The following SPRY3 variants were observed in gnomAD, a reference collection of about 807,000 sequenced individuals.
SPRY3 encodes sprouty RTK signaling antagonist 3, also known as protein sprouty homolog 3.
Under a neutral mutation model 20.2 loss-of-function variants are expected in SPRY3, and 15 were observed. The ratio of observed to expected loss-of-function variants is 0.74; its 90% CI spans 0.50 to 1.14. SPRY3 has a LOEUF of 1.14. Among genes scored for constraint, SPRY3 ranks in the 50% most tolerant of loss-of-function variants. The probability of loss-of-function intolerance (pLI) is 0.00; values close to 1 mark genes in which losing one functional copy is unlikely to be tolerated. For synonymous variants in SPRY3, 143 were observed against 136.5 expected, an observed-to-expected ratio of 1.05 and a Z score of -0.33; for missense variants, 364 against 363.9, an observed-to-expected ratio of 1.00 and a Z score of 0.00.
At chrX:155,624,553 T>TATCTATCTATC (rs2067882186) in intron 1 of SPRY3, among the ~76,000 whole-genome samples, 1 of 98,787 alleles carries the variant, frequency 1.0e-5, no homozygotes, top group Non-Finnish European at 2.1e-5. Flanking sequence ...TCTATCTATC[T>TATCTATCTATC]ATCTATCATC....
At chrX:155,761,351 A>T (rs1338573290) in intron 2 of SPRY3, among the ~76,000 whole-genome samples, 1 of 151,812 alleles carries the variant, frequency 6.6e-6, no homozygotes, top group Admixed American at 6.6e-5. Context: ...TTTTAATTTC[A>T]ATTTCATTTT....
At chrX:155,673,683 A>G (rs1400726604) in intron 2 of SPRY3, among the ~76,000 whole-genome samples, 1 of 111,901 alleles carries the variant, frequency 8.9e-6, no homozygotes, top group Non-Finnish European at 1.9e-5. Context: ...GAATTTTTCT[A>G]TTTAGTCTTT....
At chrX:155,743,253 C>A (rs1270083751) in intron 2 of SPRY3, among the ~76,000 whole-genome samples, 1 of 152,152 alleles carries the variant, frequency 6.6e-6, no homozygotes, top group African/African-American at 2.4e-5. Context: ...TACACCCTCC[C>A]AAGACTGAAC....
intron 1 of SPRY3, among the ~76,000 whole-genome samples, chrX:155,640,266 A>G (rs1051225263): frequency 8.9e-6 from 1 of 112,499 alleles, no homozygotes; most frequent in Admixed American, 9.4e-5. Flanking sequence ...ATGTTAATGT[A>G]TTATATACTG....
At chrX:155,735,838 G>A (rs2091165008) in intron 2 of SPRY3, among the ~76,000 whole-genome samples, 1 of 151,482 alleles carries the variant, frequency 6.6e-6, no homozygotes, top group South Asian at 2.1e-4. Flanking sequence ...TGATTAATAT[G>A]TACCTTTTTA....
In SPRY3 at chrX:155,714,388, T is replaced by C. The variant is rs140840199; in HGVS notation, c.-281-53574T>C. Among the ~76,000 whole-genome samples, 822 of 151,434 alleles carry C rather than the reference T, an allele frequency of 5.4e-3. 6 individuals carry two copies. Among genetic ancestry groups the C allele is most frequent in the African/African-American group, 0.019 (780 of 41,470 alleles). On this transcript the variant is annotated intron_variant, in intron 2 of 3. Transcript: ENST00000675360. ...TATTCAAAGGGATTTGGACCCCAAG[T>C]CCAATAATGCTTTCACTTTTGCAGA...
chrX:155,682,639 G>A (rs1246519533), intron 2 of SPRY3, among the ~76,000 whole-genome samples: 9 of 111,876 alleles, frequency 8.0e-5, no homozygotes, highest in Non-Finnish European at 1.7e-4. Context: ...TCCTGCCTCA[G>A]CCTCCTGAGT....
chrX:155,740,069 A>G (rs1258090274), intron 2 of SPRY3, among the ~76,000 whole-genome samples: 1 of 152,144 alleles, frequency 6.6e-6, no homozygotes, highest in Non-Finnish European at 1.5e-5. Context: ...GCAGCAGAGG[A>G]ACATAAATTA....
At chrX:155,613,274 G>A (rs1168094680) in intron 1 of SPRY3, among the ~76,000 whole-genome samples, 1 of 111,348 alleles carries the variant, frequency 9.0e-6, no homozygotes, top group Non-Finnish European at 1.9e-5. Flanking sequence ...TGAGTTTATG[G>A]AAGTCATATA....
At chrX:155,722,932 A>G (rs1332397868) in intron 2 of SPRY3, among the ~76,000 whole-genome samples, 4 of 39,780 alleles carry the variant, frequency 1.0e-4, no homozygotes, top group African/African-American at 4.5e-4. Context: ...TCCTTCCCCC[A>G]GCCCCCCACC....
intron 2 of SPRY3, among the ~76,000 whole-genome samples, chrX:155,758,612 C>T (rs2091292244): frequency 6.6e-6 from 1 of 152,154 alleles, no homozygotes; most frequent in Non-Finnish European, 1.5e-5. Flanking sequence ...ATGGATAGAG[C>T]TGGCCTCCTA....
At chrX:155,714,029 A>T (rs2091004633) in intron 2 of SPRY3, among the ~76,000 whole-genome samples, 1 of 152,050 alleles carries the variant, frequency 6.6e-6, no homozygotes, top group Non-Finnish European at 1.5e-5. Context: ...TAACTCTAGA[A>T]TTTTTGCTTG....
At chrX:155,651,285 T>C (rs782715574) in intron 1 of SPRY3, among the ~76,000 whole-genome samples, 1 of 110,314 alleles carries the variant, frequency 9.1e-6, no homozygotes, top group African/African-American at 3.3e-5. Context: ...TCTTAAACTC[T>C]TGGTCTCGAG....
intron 1 of SPRY3, among the ~76,000 whole-genome samples, chrX:155,613,218 C>T (rs1399293495): frequency 2.7e-5 from 3 of 112,067 alleles, no homozygotes; most frequent in East Asian, 5.6e-4. Context: ...GGTAGTTTAT[C>T]CAGGTTTACT....
chrX:155,767,842 C>G (rs898843740), intron 2 of SPRY3, 120 bp from the exon 2 acceptor site: 1 of 152,368 alleles, frequency 6.6e-6, no homozygotes, highest in Non-Finnish European at 1.5e-5. Context: ...AGATTTAGAT[C>G]TGCCTGTAAA....
intron 2 of SPRY3, among the ~76,000 whole-genome samples, chrX:155,748,791 A>G (rs1307485686): frequency 1.3e-5 from 2 of 151,908 alleles, no homozygotes; most frequent in African/African-American, 4.8e-5. Context: ...AATAAACAAG[A>G]GATAGGGCAA....
chrX:155,662,967 A>T (rs7890454), intron 2 of SPRY3, among the ~76,000 whole-genome samples: 14 of 112,026 alleles, frequency 1.2e-4, no homozygotes, highest in African/African-American at 4.5e-4. Flanking sequence ...GGAGCTGCTT[A>T]CCTATGAGCA....
chrX:155,657,902 C>T lies in SPRY3; in HGVS notation c.-282+877C>T, dbSNP rs1190276236. On this transcript the variant is annotated intron_variant, in intron 2 of 3. Coordinates refer to ENST00000675360, the Ensembl canonical transcript of SPRY3. ...ACTTTCTGGGTGAGGTCATGCCCCACCCTGGTTCTGCTCACCCTCCGTGGG... is the reference window on the plus strand; with the variant it reads ...ACTTTCTGGGTGAGGTCATGCCCCATCCTGGTTCTGCTCACCCTCCGTGGG... Among the ~76,000 whole-genome samples, 4 of 111,800 alleles carry T rather than the reference C, an allele frequency of 3.6e-5. No individual in the cohort carries two copies. The Admixed American group carries it at 3.8e-4, about 11-fold the overall frequency.
chrX:155,778,669 G>C (rs1216007777), downstream of SPRY3: 11 of 167,140 alleles, frequency 6.6e-5, 1 homozygote, highest in South Asian at 1.4e-3. Context: ...CCACTGGTCC[G>C]TATAACACAT....
Sources: gnomAD v4.1 joint callset for allele counts (sites outside exome capture counted in the v4.1 genomes callset) on GRCh38, gnomAD v4.1.1 for gene constraint, MANE v1.5 for transcripts, NCBI Gene and HGNC (gene_info 2026-07-23, HGNC 2026-07-21) for gene names.